The following TAOK1 variants were observed in gnomAD, a reference collection of about 807,000 sequenced individuals.
The protein encoded by TAOK1 is TAO kinase 1, also known as serine/threonine-protein kinase TAO1.
Under a neutral mutation model 138.3 loss-of-function variants are expected in TAOK1, and 21 were observed. That is an observed-to-expected ratio of 0.15 (90% CI 0.11 to 0.22). TAOK1 has a LOEUF of 0.22. Ranked by LOEUF, TAOK1 falls within the 10% of genes least tolerant of loss-of-function variation. The pLI is 1.00. For synonymous variants in TAOK1, 361 were observed against 398.4 expected, an observed-to-expected ratio of 0.91 and a Z score of 1.12; for missense variants, 651 against 1,227.7, an observed-to-expected ratio of 0.53 and a Z score of 7.02.
chr17:29,394,152 T>G (rs963930471), intron 1 of TAOK1, among the ~76,000 whole-genome samples: 5 of 40,142 alleles, frequency 1.2e-4, no homozygotes, highest in African/African-American at 3.6e-4. Flanking sequence ...ATTTGCCAGT[T>G]TTTTTTTTTT....
At chr17:29,438,976 T>C (rs557161005) in intron 1 of TAOK1, among the ~76,000 whole-genome samples, 2 of 152,314 alleles carry the variant, frequency 1.3e-5, no homozygotes, top group South Asian at 2.1e-4. Flanking sequence ...CATTAACTTA[T>C]TGCCCTATAA....
chr17:29,425,068 CT>C (rs1370441661), intron 1 of TAOK1, among the ~76,000 whole-genome samples: 33 of 151,992 alleles, frequency 2.2e-4, no homozygotes, highest in Admixed American at 2.2e-3. Flanking sequence ...TTAGTAAATA[CT>C]TATTGGTTTT....
At position 29,454,517 on chromosome 17, in the gene TAOK1, CTCTATAGATCACTTTTGGTAGA is replaced by C. The variant is rs1444808750; in HGVS notation, c.132+2851_132+2872del. 4.6e-5 allele frequency among the ~76,000 whole-genome samples: 7 copies of C among 151,800 alleles called. No homozygotes were observed. The East Asian group carries it at 1.4e-3, about 29-fold the overall frequency. On this transcript the variant is annotated intron_variant, in intron 2 of 19. Coordinates refer to ENST00000261716, the MANE Select transcript of TAOK1 (RefSeq NM_020791.4). Reference sequence around the variant, plus strand: ...AGAATTTTGATAGGGATTGTGTTGACTCTATAGATCACTTTTGGTAGATCTATAGATCACTGTCTTAATAATA... The same window carrying C: ...AGAATTTTGATAGGGATTGTGTTGACTCTATAGATCACTGTCTTAATAATA...
chr17:29,434,733 G>A (rs1905971698), intron 1 of TAOK1, among the ~76,000 whole-genome samples: 2 of 152,246 alleles, frequency 1.3e-5, no homozygotes, highest in South Asian at 2.1e-4. Flanking sequence ...GCTTGGAGTT[G>A]GCTTAATCAG....
intron 1 of TAOK1, among the ~76,000 whole-genome samples, chr17:29,439,011 AC>A (rs1265097131): frequency 6.6e-6 from 1 of 152,220 alleles, no homozygotes; most frequent in African/African-American, 2.4e-5. Context: ...TTACGTAGAC[AC>A]TTTTTTTTCC....
At chr17:29,466,911 A>G (rs2030682743) in intron 2 of TAOK1, among the ~76,000 whole-genome samples, 1 of 152,122 alleles carries the variant, frequency 6.6e-6, no homozygotes, top group Non-Finnish European at 1.5e-5. Context: ...CAGATTACTC[A>G]AAGGTTTATT....
chr17:29,487,345 A>T (rs1172800057), intron 8 of TAOK1, among the ~76,000 whole-genome samples: 2 of 151,640 alleles, frequency 1.3e-5, no homozygotes, highest in African/African-American at 4.9e-5. Flanking sequence ...CTATGGTGTT[A>T]GATTGGAATT....
At chr17:29,481,624 T>C (rs907200599) in intron 7 of TAOK1, among the ~76,000 whole-genome samples, 16 of 152,082 alleles carry the variant, frequency 1.1e-4, no homozygotes, top group African/African-American at 3.6e-4. Flanking sequence ...CTCTTTCTTT[T>C]GGGGTGGCTG....
At chr17:29,413,686 G>A (rs1243096901) in intron 1 of TAOK1, among the ~76,000 whole-genome samples, 1 of 152,122 alleles carries the variant, frequency 6.6e-6, no homozygotes, top group Non-Finnish European at 1.5e-5. Context: ...GCTACTGTAT[G>A]TATGTTCCAA....
Position 29,547,531 on chromosome 17 carries a change from G to T in TAOK1, c.*4509G>T, listed in dbSNP as rs1385777896. Reference sequence around the variant, plus strand: ...TTTTGTCCTGTGCTCACAATGTGAAGTGTCTTCTGTATTCAAATCAAAAAA... The same window carrying T: ...TTTTGTCCTGTGCTCACAATGTGAATTGTCTTCTGTATTCAAATCAAAAAA... On this transcript the variant is annotated 3_prime_UTR_variant, in exon 20 of 20. Transcript: ENST00000261716. 6.6e-6 allele frequency: 1 copy of T among 152,084 alleles called. No homozygotes were observed. The highest frequency in any genetic ancestry group is 2.4e-5 in the African/African-American group (1 of 41,438). The allele number at this position is 152,084 out of a possible 1,614,324, so 9.4% of individuals were successfully genotyped here.
At chr17:29,395,332 A>C (rs185831885) in intron 1 of TAOK1, among the ~76,000 whole-genome samples, 71 of 151,896 alleles carry the variant, frequency 4.7e-4, no homozygotes, top group African/African-American at 1.6e-3. Flanking sequence ...AGAGTTCGAA[A>C]CCAGCCTGGC....
chr17:29,488,445 C>T (rs1231048524), intron 8 of TAOK1, among the ~76,000 whole-genome samples: 1 of 151,950 alleles, frequency 6.6e-6, no homozygotes, highest in Non-Finnish European at 1.5e-5. Flanking sequence ...CAGCGCACTC[C>T]TGTAATCCCA....
chr17:29,503,419 ATG>A (rs2031570432), intron 13 of TAOK1, among the ~76,000 whole-genome samples: 1 of 146,772 alleles, frequency 6.8e-6, no homozygotes, highest in Non-Finnish European at 1.5e-5. Context: ...AAAAAAAAGA[ATG>A]TGGACAGTAA....
rs1431373275 is a variant in TAOK1 at position 29,551,722 on chromosome 17, T to C, written c.*8700T>C. Reference sequence around the variant, plus strand: ...CAGTATTCTTCTGGTTCAGCATACCTTATAGTTCATATATAACCTGTATTA... The same window carrying C: ...CAGTATTCTTCTGGTTCAGCATACCCTATAGTTCATATATAACCTGTATTA... On this transcript the variant is annotated 3_prime_UTR_variant, in exon 20 of 20. Transcript: ENST00000261716. 6.6e-6 allele frequency: 1 copy of C among 152,646 alleles called. No individual in the cohort carries two copies. Among genetic ancestry groups the C allele is most frequent in the Non-Finnish European group, 1.5e-5 (1 of 68,028 alleles). 9.5% of individuals were successfully genotyped at this position (152,646 alleles called of 1,614,324 possible). A position where few individuals can be genotyped will look rare whatever the true frequency, so the allele number is the denominator to read the frequency against.
intron 1 of TAOK1, among the ~76,000 whole-genome samples, chr17:29,414,240 A>G (rs1905213966): frequency 6.6e-6 from 1 of 151,020 alleles, no homozygotes; most frequent in South Asian, 2.1e-4. Flanking sequence ...ATGGTGGAGC[A>G]TGTATCAGTA....
chr17:29,502,608 A>C lies in TAOK1; in HGVS notation c.1223A>C (p.Glu408Ala), dbSNP rs2031550468. 2.5e-6 allele frequency: 4 copies of C among 1,612,786 alleles called. No individual in the cohort carries two copies. The highest frequency in any genetic ancestry group is 3.3e-5 in the Admixed American group (2 of 59,824). The change falls in exon 13 of 20, where the codon GAA (glutamate) becomes GCA (alanine). Residue 408 changes from glutamate (E) to alanine (A), a missense_variant. Around this residue, in one of 8 missense-constraint regions of TAOK1, gnomAD observed 104 missense variants for 151.7 expected, o/e 0.69. Coordinates refer to ENST00000261716, the MANE Select transcript of TAOK1 (RefSeq NM_020791.4). Reference protein sequence around the residue: ...HLKPEEENYREEGDPRTRASD... With the variant: ...HLKPEEENYRAEGDPRTRASD... ...TCCTAGGAGGAAGAAAATTACAGAG[A>C]AGAGGGAGATCCTAGAACAAGAGCA...
At chr17:29,440,048 T>C (rs1428081568) in intron 1 of TAOK1, among the ~76,000 whole-genome samples, 1 of 152,132 alleles carries the variant, frequency 6.6e-6, no homozygotes, top group Non-Finnish European at 1.5e-5. Flanking sequence ...CAAAAATCTT[T>C]CTACTTTGCA....
chr17:29,397,701 GC>G (rs374753436), intron 1 of TAOK1, among the ~76,000 whole-genome samples: 1,440 of 47,412 alleles, frequency 0.03, 55 homozygotes, highest in African/African-American at 0.14. Context: ...ATTCATGTAT[GC>G]ATACATGAAT....
At chr17:29,405,948 T>C (rs1465496149) in intron 1 of TAOK1, among the ~76,000 whole-genome samples, 1 of 152,208 alleles carries the variant, frequency 6.6e-6, no homozygotes, top group African/African-American at 2.4e-5. Context: ...AATACATTTT[T>C]TTGGTGTGTT....
Sources: allele counts gnomAD v4.1 joint callset (sites outside exome capture counted in the v4.1 genomes callset), GRCh38; gene constraint gnomAD v4.1.1; regional missense constraint gnomAD v4.1.1; transcripts MANE v1.5; gene names NCBI Gene and HGNC (gene_info 2026-07-23, HGNC 2026-07-21).